Variants in RBFOX1 observed in about 807,000 individuals in gnomAD.
RBFOX1 encodes the protein RNA binding fox-1 homolog 1.
RBFOX1 carries 8 observed loss-of-function variants against 57.7 expected under a neutral mutation model. The observed-to-expected ratio is 0.14, with a 90% CI of 0.08 to 0.25. RBFOX1 has a LOEUF of 0.25. Among genes scored for constraint, RBFOX1 ranks in the 10% least tolerant of loss-of-function variants. The pLI, the probability that RBFOX1 is intolerant of heterozygous loss-of-function variation, is 1.00. For missense variants in RBFOX1, 611 were observed against 548.5 expected (o/e 1.11, Z -1.14); for synonymous variants, 326 against 222.4 (o/e 1.47, Z -4.15).
intron 2 of RBFOX1, among the ~76,000 whole-genome samples, chr16:6,380,069 G>C (rs2091634876): frequency 6.6e-6 from 1 of 152,166 alleles, no homozygotes; most frequent in African/African-American, 2.4e-5. Flanking sequence ...TTATGGCGGG[G>C]ATTTGAAGAG....
rs541919794 is a variant in RBFOX1, at chr16:5,487,434, G to A, written c.258+20180G>A. Among the ~76,000 whole-genome samples the A allele has an allele frequency of 1.2e-4, 19 of 152,308 alleles. No homozygotes were observed. In the East Asian group the frequency reaches 2.9e-3, roughly 23 times the overall value. ...CAGATCTTGCAGAAGCTGACAGCAC[G>A]AGTTGGCTTTGGGTTACCCTAGATT... is the stretch of plus-strand genomic sequence containing the variant. On this transcript the variant is annotated intron_variant, in intron 2 of 2. Coordinates refer to the RBFOX1 transcript ENST00000585867.
At chr16:6,423,876 C>G (rs1479243498) in intron 2 of RBFOX1, among the ~76,000 whole-genome samples, 1 of 152,134 alleles carries the variant, frequency 6.6e-6, no homozygotes, top group Non-Finnish European at 1.5e-5. Context: ...TAGTAACACA[C>G]AGAGGGCGGG....
chr16:5,717,737 A>G (rs954325819), intron 3 of RBFOX1, among the ~76,000 whole-genome samples: 1 of 152,208 alleles, frequency 6.6e-6, no homozygotes, highest in South Asian at 2.1e-4. Flanking sequence ...GGCTTCGGTA[A>G]CTACCAATAA....
At chr16:7,667,727 C>T (rs2145860687) in intron 13 of RBFOX1, among the ~76,000 whole-genome samples, 1 of 152,256 alleles carries the variant, frequency 6.6e-6, no homozygotes, top group Admixed American at 6.5e-5. Flanking sequence ...GTCGCCCAGG[C>T]TGGAGTGCGG....
At chr16:7,283,772 C>T (rs1245395767) in intron 4 of RBFOX1, among the ~76,000 whole-genome samples, 1 of 152,182 alleles carries the variant, frequency 6.6e-6, no homozygotes, top group Non-Finnish European at 1.5e-5. Context: ...CAGATCATTG[C>T]ATCAAAGTCA....
chr16:6,942,380 G>A lies in RBFOX1; in HGVS notation c.-15-109677G>A, dbSNP rs151152799. Among the ~76,000 whole-genome samples the A allele has an allele frequency of 1.6e-4, 25 of 152,140 alleles. No individual in the cohort carries two copies. In the East Asian group the frequency reaches 2.7e-3, roughly 16 times the overall value. Reference sequence around the variant, plus strand: ...ACATTTTGTTGCCCAGGCTGATCTCGAACCCTTGGGTTCAAACCACCCTCT... The same window carrying A: ...ACATTTTGTTGCCCAGGCTGATCTCAAACCCTTGGGTTCAAACCACCCTCT... On this transcript the variant is annotated intron_variant, in intron 3 of 15. Transcript: ENST00000550418.
intron 5 of RBFOX1, among the ~76,000 whole-genome samples, chr16:7,574,594 C>A (rs1229556112): frequency 6.6e-6 from 1 of 152,110 alleles, no homozygotes; most frequent in Non-Finnish European, 1.5e-5. Flanking sequence ...GAAGACTCAG[C>A]CAGTCTAGTC....
intron 2 of RBFOX1, among the ~76,000 whole-genome samples, chr16:5,488,918 G>T (rs982617609): frequency 6.6e-6 from 1 of 152,230 alleles, no homozygotes; most frequent in Non-Finnish European, 1.5e-5. Flanking sequence ...GCTAAAACTT[G>T]AGTGCTGACT....
At chr16:5,829,559 G>A (rs962761265) in intron 3 of RBFOX1, among the ~76,000 whole-genome samples, 1 of 152,042 alleles carries the variant, frequency 6.6e-6, no homozygotes, top group African/African-American at 2.4e-5. Flanking sequence ...GATTCTGGTG[G>A]CCCTCTTCTA....
At chr16:5,510,453 G>A (rs1045074566) in intron 2 of RBFOX1, among the ~76,000 whole-genome samples, 2 of 152,024 alleles carry the variant, frequency 1.3e-5, no homozygotes, top group Non-Finnish European at 2.9e-5. Flanking sequence ...CAGAAACATG[G>A]CCTCTCAAAG....
intron 4 of RBFOX1, among the ~76,000 whole-genome samples, chr16:7,401,259 A>G (rs1163136388): frequency 6.6e-6 from 1 of 152,246 alleles, no homozygotes; most frequent in East Asian, 1.9e-4. Flanking sequence ...ACAAATAACT[A>G]TGCAAAAATA....
chr16:7,406,122 C>T (rs1243022398), intron 4 of RBFOX1, among the ~76,000 whole-genome samples: 1 of 152,164 alleles, frequency 6.6e-6, no homozygotes, highest in Non-Finnish European at 1.5e-5. Flanking sequence ...AAGATACCCG[C>T]ATTGCCCAAA....
intron 3 of RBFOX1, among the ~76,000 whole-genome samples, chr16:6,938,344 G>T (rs532780312): frequency 7.9e-5 from 12 of 152,240 alleles, no homozygotes; most frequent in African/African-American, 2.9e-4. Flanking sequence ...GAAGCCTATT[G>T]TTGGCAAGAA....
intron 2 of RBFOX1, among the ~76,000 whole-genome samples, chr16:5,545,135 C>A (rs1567214004): frequency 6.6e-6 from 1 of 151,940 alleles, no homozygotes; most frequent in Non-Finnish European, 1.5e-5. Flanking sequence ...TGCCACCATG[C>A]CTGGCTAATT....
intron 3 of RBFOX1, among the ~76,000 whole-genome samples, chr16:6,925,879 C>G (rs959780175): frequency 6.6e-6 from 1 of 152,044 alleles, no homozygotes; most frequent in African/African-American, 2.4e-5. Flanking sequence ...AATTACATTT[C>G]TCTATGTAAT....
intron 2 of RBFOX1, among the ~76,000 whole-genome samples, chr16:6,440,691 C>G (rs966035312): frequency 9.9e-5 from 15 of 151,200 alleles, no homozygotes; most frequent in Admixed American, 9.9e-4. Flanking sequence ...GTCCCAACTA[C>G]TTGGGAGGCT....
At chr16:5,978,683 T>G (rs1005147759) in intron 4 of RBFOX1, among the ~76,000 whole-genome samples, 2 of 152,032 alleles carry the variant, frequency 1.3e-5, no homozygotes, top group East Asian at 1.9e-4. Flanking sequence ...TGTTTGTTTT[T>G]TTTTTTGTTG....
At chr16:6,100,593 C>T (rs943846904) in intron 1 of RBFOX1, among the ~76,000 whole-genome samples, 2 of 152,148 alleles carry the variant, frequency 1.3e-5, no homozygotes, top group African/African-American at 4.8e-5. Context: ...TTTGGATTCT[C>T]TTTTTTTGTC....
chr16:7,020,970 A>T (rs564959957), intron 3 of RBFOX1, among the ~76,000 whole-genome samples: 185 of 152,258 alleles, frequency 1.2e-3, no homozygotes, highest in African/African-American at 4.3e-3. Context: ...CTACTTAAAA[A>T]TACAAAAATT....
Sources: gnomAD v4.1 joint callset for allele counts (sites outside exome capture counted in the v4.1 genomes callset) on GRCh38, gnomAD v4.1.1 for gene constraint, MANE v1.5 for transcripts, NCBI Gene and HGNC (gene_info 2026-07-23, HGNC 2026-07-21) for gene names.